The following SPAG16 variants were observed in gnomAD, a reference collection of about 807,000 sequenced individuals.
The protein encoded by SPAG16 is sperm-associated antigen 16 protein.
SPAG16 carries 86 observed loss-of-function variants against 80.4 expected under a neutral mutation model. That is an observed-to-expected ratio of 1.07 (90% confidence interval 0.90 to 1.28). The LOEUF (loss-of-function observed/expected upper bound fraction) is 1.28, where lower values mean the gene tolerates loss of function less well. Among genes scored for constraint, SPAG16 ranks in the 50% most tolerant of loss-of-function variants. SPAG16 has a pLI of 0.00. For synonymous variants in SPAG16, 294 were observed against 265.9 expected (o/e 1.11, Z -1.03); for missense variants, 870 against 765.3 (o/e 1.14, Z -1.61).
At chr2:213,352,359 C>G (rs2065380890) in intron 7 of SPAG16, among the ~76,000 whole-genome samples, 1 of 152,064 alleles carries the variant, frequency 6.6e-6, no homozygotes, top group Admixed American at 6.6e-5. Flanking sequence ...CCCCAGTCTC[C>G]TAACAAAAGG....
intron 15 of SPAG16, among the ~76,000 whole-genome samples, chr2:214,335,958 C>T (rs991670470): frequency 5.9e-5 from 9 of 151,894 alleles, no homozygotes; most frequent in African/African-American, 9.7e-5. Flanking sequence ...GGGGTTTCAC[C>T]GTGTTAGCCA....
chr2:213,620,169 A>C (rs966349655), intron 10 of SPAG16, among the ~76,000 whole-genome samples: 3 of 151,866 alleles, frequency 2.0e-5, no homozygotes, highest in African/African-American at 7.3e-5. Flanking sequence ...TTTAGGGAAG[A>C]GGGAAAGAAA....
chr2:214,371,424 C>T (rs866175549), intron 15 of SPAG16, among the ~76,000 whole-genome samples: 1 of 149,484 alleles, frequency 6.7e-6, no homozygotes, highest in African/African-American at 2.5e-5. Context: ...CCCAGCTACT[C>T]GGGAGTCTGA....
chr2:214,037,970 G>A (rs72935955), intron 13 of SPAG16, among the ~76,000 whole-genome samples: 58,716 of 150,586 alleles, frequency 0.39, 12,708 homozygotes, highest in South Asian at 0.52. Flanking sequence ...TTTGGATGCA[G>A]AACATATTGG....
chr2:214,131,307 T>C (rs930704734), intron 14 of SPAG16, among the ~76,000 whole-genome samples: 2 of 151,408 alleles, frequency 1.3e-5, no homozygotes, highest in African/African-American at 4.9e-5. Context: ...GAGTTTGAGA[T>C]TACAGTGAGC....
chr2:214,169,912 A>G (rs1392220866), intron 15 of SPAG16, among the ~76,000 whole-genome samples: 2 of 152,012 alleles, frequency 1.3e-5, no homozygotes, highest in African/African-American at 4.8e-5. Context: ...ATATGAGTGA[A>G]CTATTTGGAG....
chr2:213,291,630 A>G (rs1010437667), intron 1 of SPAG16, among the ~76,000 whole-genome samples: 1 of 152,206 alleles, frequency 6.6e-6, no homozygotes, highest in Non-Finnish European at 1.5e-5. Flanking sequence ...TGTTATTAAT[A>G]TAACACTTGA....
intron 2 of SPAG16, chr2:213,296,945 A>G (rs767393191): frequency 4.6e-5 from 29 of 626,492 alleles, no homozygotes; most frequent in Non-Finnish European, 6.2e-5. Flanking sequence ...AGCACTTGAG[A>G]TGGGGCAAGA....
intron 15 of SPAG16, among the ~76,000 whole-genome samples, chr2:214,365,083 C>A (rs1449791336): frequency 2.6e-5 from 4 of 152,036 alleles, no homozygotes; most frequent in African/African-American, 9.7e-5. Context: ...AATGTGGCTG[C>A]TAGAGGATAA....
intron 13 of SPAG16, among the ~76,000 whole-genome samples, chr2:214,050,457 A>G (rs747617293): frequency 3.9e-5 from 6 of 152,082 alleles, no homozygotes; most frequent in Non-Finnish European, 8.8e-5. Flanking sequence ...TGAGCAACTG[A>G]GGCAGAACAC....
intron 14 of SPAG16, among the ~76,000 whole-genome samples, chr2:214,143,100 A>G (rs1236376224): frequency 6.6e-6 from 1 of 152,114 alleles, no homozygotes; most frequent in East Asian, 1.9e-4. Flanking sequence ...TAGTGACTCT[A>G]AAGCCACATG....
intron 10 of SPAG16, among the ~76,000 whole-genome samples, chr2:213,519,961 G>A (rs985426749): frequency 2.0e-5 from 3 of 152,112 alleles, no homozygotes; most frequent in Admixed American, 6.5e-5. Context: ...CAGTATGACT[G>A]ATGTCCTTAT....
rs559311724 is a variant in SPAG16 at position 213,927,635 on chromosome 2, C to T, written c.1215-2325C>T. Among the ~76,000 whole-genome samples, 21 of 152,254 alleles carry T rather than the reference C, an allele frequency of 1.4e-4. 1 individual carries two copies. The South Asian group carries it at 4.4e-3, about 32-fold the overall frequency. On this transcript the variant is annotated intron_variant, in intron 11 of 15. Transcript: ENST00000331683. ...GAATATTGTTTATATTTATTGTTGA[C>T]TAAATATCAGTTACAGCACTCACAA...
At chr2:213,310,368 AC>A (rs2063137515) in intron 4 of SPAG16, among the ~76,000 whole-genome samples, 191 bp downstream of exon 4, 1 of 112,494 alleles carries the variant, frequency 8.9e-6, no homozygotes, top group African/African-American at 3.1e-5. Context: ...ACACACACAC[AC>A]ACACAAATCA....
At chr2:214,180,760 G>C (rs2057285354) in intron 15 of SPAG16, among the ~76,000 whole-genome samples, 1 of 151,680 alleles carries the variant, frequency 6.6e-6, no homozygotes, top group African/African-American at 2.4e-5. Context: ...GGCTCTGATA[G>C]TGGTTCCAGG....
chr2:213,462,039 ATG>A (rs775087016), intron 9 of SPAG16, among the ~76,000 whole-genome samples: 1 of 152,226 alleles, frequency 6.6e-6, no homozygotes, highest in Non-Finnish European at 1.5e-5. Flanking sequence ...GTTGAAAAAA[ATG>A]TTAAAAACAT....
chr2:213,555,304 A>C (rs1472128891), intron 10 of SPAG16, among the ~76,000 whole-genome samples: 1 of 152,162 alleles, frequency 6.6e-6, no homozygotes, highest in Non-Finnish European at 1.5e-5. Context: ...CTCACACATC[A>C]AGGGCAGGAG....
chr2:213,808,971 G>A (rs1304206451), intron 10 of SPAG16, among the ~76,000 whole-genome samples: 1 of 152,122 alleles, frequency 6.6e-6, no homozygotes, highest in East Asian at 1.9e-4. Context: ...ATTGAAAAAA[G>A]GAGAATCTGG....
chr2:213,897,484 T>C (rs2077040217), intron 11 of SPAG16, among the ~76,000 whole-genome samples: 4 of 152,222 alleles, frequency 2.6e-5, no homozygotes, highest in South Asian at 4.1e-4. Flanking sequence ...TCTATGACTT[T>C]ATTGTTTTCT....
Sources: gnomAD v4.1 joint callset for allele counts (sites outside exome capture counted in the v4.1 genomes callset) on GRCh38, gnomAD v4.1.1 for gene constraint, MANE v1.5 for transcripts, NCBI Gene and HGNC (gene_info 2026-07-23, HGNC 2026-07-21) for gene names.